The following TTC39B variants were observed in gnomAD, a reference collection of about 807,000 sequenced individuals.
TTC39B encodes tetratricopeptide repeat domain 39B.
In TTC39B, 92 loss-of-function variants were observed where a neutral mutation model predicts 96.6. That is an observed-to-expected ratio of 0.95 (90% CI 0.80 to 1.13). The LOEUF (loss-of-function observed/expected upper bound fraction) is 1.13. Ranked by LOEUF, TTC39B falls within the 50% of genes most tolerant of loss-of-function variation. The pLI, the probability that TTC39B is intolerant of heterozygous loss-of-function variation, is 0.00. For synonymous variants in TTC39B, 367 were observed against 299.4 expected, an observed-to-expected ratio of 1.23 and a Z score of -2.33; for missense variants, 955 against 809.3, an observed-to-expected ratio of 1.18 and a Z score of -2.18.
At chr9:15,287,945 C>CAAAAAA (rs762069142) in intron 1 of TTC39B, among the ~76,000 whole-genome samples, 3 of 68,966 alleles carry the variant, frequency 4.3e-5, no homozygotes, top group Admixed American at 2.0e-4. Flanking sequence ...GACTCCATCT[C>CAAAAAA]AAAAAAAAAA....
rs1044781364 is a variant in TTC39B at position 15,182,749 on chromosome 9, A to G, written c.1615-334T>C. On this transcript the variant is annotated intron_variant, in intron 16 of 19. Coordinates refer to ENST00000512701, the Ensembl canonical transcript of TTC39B. ...CTGTTTAATGTAAACTTTTGTTGTT[A>G]CTTTTAAGTAAAGAAAAATATTTTT... Among the ~76,000 whole-genome samples the G allele has an allele frequency of 5.9e-5, 9 of 152,330 alleles. No homozygotes were observed. The East Asian group carries it at 1.7e-3, about 29-fold the overall frequency.
intron 2 of TTC39B, among the ~76,000 whole-genome samples, chr9:15,257,865 G>A (rs1822811120): frequency 6.6e-6 from 1 of 152,024 alleles, no homozygotes; most frequent in South Asian, 2.1e-4. Flanking sequence ...TTCGAGACCA[G>A]CCTGACTAAC....
chr9:15,199,865 A>C, exon 8 of TTC39B: 3 of 1,514,238 alleles, frequency 2.0e-6, no homozygotes, highest in Non-Finnish European at 2.7e-6. Flanking sequence ...ACTTACTTAT[A>C]TATTTGGTAA....
At chr9:15,186,400 T>C (rs909853150) in intron 15 of TTC39B, among the ~76,000 whole-genome samples, 23 of 152,150 alleles carry the variant, frequency 1.5e-4, no homozygotes, top group African/African-American at 4.6e-4. Flanking sequence ...AGACCATTCA[T>C]TGTTAGAACT....
chr9:15,292,336 A>C (rs965866198), intron 1 of TTC39B, among the ~76,000 whole-genome samples: 2 of 152,220 alleles, frequency 1.3e-5, no homozygotes, highest in Non-Finnish European at 2.9e-5. Flanking sequence ...TATAACACAC[A>C]GTGCAATGAG....
intron 1 of TTC39B, among the ~76,000 whole-genome samples, chr9:15,272,405 G>A (rs59323868): frequency 0.01 from 1,586 of 152,224 alleles, 35 homozygotes; most frequent in African/African-American, 0.036. Context: ...CACACTCAGA[G>A]GAGCATCCTG....
chr9:15,300,114 T>C (rs1392599482), intron 1 of TTC39B, among the ~76,000 whole-genome samples: 2 of 152,180 alleles, frequency 1.3e-5, no homozygotes, highest in Non-Finnish European at 2.9e-5. Flanking sequence ...ACACCCTTTC[T>C]TAATTCTGCC....
intron 1 of TTC39B, among the ~76,000 whole-genome samples, chr9:15,276,348 C>T (rs1401146119): frequency 6.6e-6 from 1 of 152,160 alleles, no homozygotes; most frequent in Non-Finnish European, 1.5e-5. Flanking sequence ...AAAATCCTTT[C>T]CCCCTTCCAC....
Position 15,167,007 on chromosome 9 carries a change from TATATATATATATATA to T in TTC39B, c.*4997_*5011del, listed in dbSNP as rs1237906281. The T allele has an allele frequency of 5.4e-3, 40 of 7,376 alleles. 4 individuals are homozygous for T. Among genetic ancestry groups the T allele is most frequent in the East Asian group, 0.014 (2 of 144 alleles). The allele number at this position is 7,376 out of a possible 1,614,324, so 0.5% of individuals were successfully genotyped here. A position where few individuals can be genotyped will look rare whatever the true frequency, so the allele number is the denominator to read the frequency against. On this transcript the variant is annotated 3_prime_UTR_variant, in exon 20 of 20. Transcript: ENST00000512701. ...TTATATATATATATATATATATATA[TATATATATATATATA>T]TATATATTTTTTTTTTTTTTTTTTT...
At chr9:15,239,018 G>C (rs1490954460) in intron 2 of TTC39B, among the ~76,000 whole-genome samples, 1 of 152,080 alleles carries the variant, frequency 6.6e-6, no homozygotes, top group Non-Finnish European at 1.5e-5. Context: ...CTATGCCTCT[G>C]ACAAAAGACT....
chr9:15,251,202 A>C (rs1822522788), intron 2 of TTC39B, among the ~76,000 whole-genome samples: 1 of 152,168 alleles, frequency 6.6e-6, no homozygotes, highest in Non-Finnish European at 1.5e-5. Context: ...TCTCAAAAAA[A>C]CAAAAAGTAA....
At position 15,306,979 on chromosome 9, in the gene TTC39B, A is replaced by C; in HGVS notation, c.240+105T>G. On this transcript the variant is annotated intron_variant, in intron 1 of 19. Coordinates refer to ENST00000512701, the Ensembl canonical transcript of TTC39B. This position sits in a 1 kb window ranked among gnomAD's most constrained non-coding sequence, Gnocchi z 5.1. ...CCCGCCAGCCCACCCCAGAGAGGGG[A>C]CCAAGGGGGCGGGGCCTCGGCCGTC... The C allele has an allele frequency of 6.7e-7, 1 of 1,503,362 alleles. No individual in the cohort carries two copies. 93.1% of individuals were successfully genotyped at this position (1,503,362 alleles called of 1,614,324 possible).
chr9:15,208,603 T>C (rs1377248675), intron 6 of TTC39B, among the ~76,000 whole-genome samples: 3 of 152,194 alleles, frequency 2.0e-5, no homozygotes, highest in Admixed American at 6.5e-5. Flanking sequence ...ATGGAAAATA[T>C]GCAGACACAT....
chr9:15,243,518 T>C (rs1387330680), intron 2 of TTC39B, among the ~76,000 whole-genome samples: 1 of 152,302 alleles, frequency 6.6e-6, no homozygotes, highest in East Asian at 1.9e-4. Flanking sequence ...ATTTAACAAC[T>C]GTCTACAGAA....
intron 3 of TTC39B, among the ~76,000 whole-genome samples, chr9:15,223,615 T>G (rs1820964648): frequency 6.6e-6 from 1 of 152,160 alleles, no homozygotes; most frequent in African/African-American, 2.4e-5. Flanking sequence ...TCCTCCACTT[T>G]GCCAAGTGTC....
At chr9:15,260,009 T>C (rs907435186) in intron 2 of TTC39B, among the ~76,000 whole-genome samples, 6 of 152,292 alleles carry the variant, frequency 3.9e-5, no homozygotes, top group East Asian at 1.9e-4. Context: ...TGAAGTTAGA[T>C]TGTGGTGATG....
chr9:15,285,671 G>A (rs1294955567), intron 1 of TTC39B, among the ~76,000 whole-genome samples: 3 of 152,104 alleles, frequency 2.0e-5, no homozygotes, highest in Non-Finnish European at 4.4e-5. Context: ...TGGCTAACAC[G>A]ATGAAACCCC....
intron 1 of TTC39B, among the ~76,000 whole-genome samples, chr9:15,269,427 A>C (rs938145543): frequency 6.6e-6 from 1 of 152,196 alleles, no homozygotes; most frequent in Non-Finnish European, 1.5e-5. Flanking sequence ...ATCACACCTC[A>C]TTTAGAGTTA....
intron 3 of TTC39B, among the ~76,000 whole-genome samples, chr9:15,216,336 G>A (rs575112176): frequency 2.6e-5 from 4 of 152,270 alleles, no homozygotes; most frequent in South Asian, 2.1e-4. Context: ...GTGGATGGAC[G>A]GGTACAACTG....
Sources: allele counts gnomAD v4.1 joint callset (sites outside exome capture counted in the v4.1 genomes callset), GRCh38; gene constraint gnomAD v4.1.1; non-coding constraint Gnocchi (gnomAD v3.1); transcripts MANE v1.5; gene names NCBI Gene and HGNC (gene_info 2026-07-23, HGNC 2026-07-21).